Variants in PCDH11X observed in about 807,000 individuals in gnomAD.
PCDH11X encodes protocadherin 11 X-linked.
A neutral mutation model predicts 53.3 loss-of-function variants in PCDH11X; 18 were observed. The ratio of observed to expected loss-of-function variants is 0.34; its 90% CI spans 0.23 to 0.50. The LOEUF is 0.50. Ranked by LOEUF, PCDH11X falls within the 20% of genes least tolerant of loss-of-function variation. The probability of loss-of-function intolerance (pLI) is 0.98; values close to 1 mark genes in which losing one functional copy is unlikely to be tolerated. For synonymous variants in PCDH11X, 279 were observed against 393.3 expected, an observed-to-expected ratio of 0.71 and a Z score of 3.44; for missense variants, 570 against 1,032.4, an observed-to-expected ratio of 0.55 and a Z score of 6.14.
At chrX:92,566,631 T>C (rs1921503806) in intron 10 of PCDH11X, among the ~76,000 whole-genome samples, 1 of 109,813 alleles carries the variant, frequency 9.1e-6, no homozygotes, top group South Asian at 3.9e-4. Flanking sequence ...ATGAAACTAC[T>C]TACTCCCTCC....
At chrX:92,098,084 A>T (rs1448405052) in intron 6 of PCDH11X, among the ~76,000 whole-genome samples, 1 of 111,190 alleles carries the variant, frequency 9.0e-6, no homozygotes, top group Non-Finnish European at 1.9e-5. Context: ...ATGTATTCAA[A>T]TAATGAAATT....
intron 6 of PCDH11X, among the ~76,000 whole-genome samples, chrX:91,971,618 T>C (rs1160922441): frequency 3.6e-5 from 4 of 111,983 alleles, no homozygotes; most frequent in African/African-American, 6.5e-5. Context: ...GCAATTTGAC[T>C]TTTAGGCTTA....
intron 9 of PCDH11X, among the ~76,000 whole-genome samples, chrX:92,466,578 G>T (rs1921296282): frequency 9.1e-6 from 1 of 109,961 alleles, no homozygotes; most frequent in Non-Finnish European, 1.9e-5. Flanking sequence ...AGCCAAATAT[G>T]CTTATTGTTC....
intron 7 of PCDH11X, among the ~76,000 whole-genome samples, chrX:92,260,458 G>C (rs1055733966): frequency 2.4e-4 from 27 of 111,212 alleles, no homozygotes; most frequent in African/African-American, 8.5e-4. Context: ...TGCCTCCTCT[G>C]CCTGGGGTTG....
At chrX:92,568,873 A>T (rs1279528068) in intron 10 of PCDH11X, among the ~76,000 whole-genome samples, 1 of 111,288 alleles carries the variant, frequency 9.0e-6, no homozygotes, top group Non-Finnish European at 1.9e-5. Context: ...TCAATTTCTA[A>T]ATTCCCAGTC....
intron 6 of PCDH11X, among the ~76,000 whole-genome samples, chrX:91,970,427 C>T (rs1241237225): frequency 2.7e-5 from 3 of 111,312 alleles, no homozygotes; most frequent in African/African-American, 6.5e-5. Context: ...AATCCTTTAG[C>T]TAGATAGAAA....
At chrX:92,031,587 G>GT (rs1468492194) in intron 6 of PCDH11X, among the ~76,000 whole-genome samples, 1 of 111,595 alleles carries the variant, frequency 9.0e-6, no homozygotes, top group Non-Finnish European at 1.9e-5. Context: ...TATCTCCAAT[G>GT]TTTTCTTGTG....
chrX:92,427,417 G>A lies in PCDH11X; in HGVS notation c.3343+39484G>A, dbSNP rs747403060. On this transcript the variant is annotated intron_variant, in intron 9 of 10. Coordinates refer to ENST00000682573, the MANE Select transcript of PCDH11X (RefSeq NM_032968.5). ...TGTTCCGAGGTTTCACTTTTCTGTG[G>A]GCTATTGACCAATATAGCAAAAGTT... is the stretch of plus-strand genomic sequence containing the variant. Among the ~76,000 whole-genome samples the A allele has an allele frequency of 1.5e-3, 103 of 70,097 alleles. 1 individual carries two copies. Among genetic ancestry groups the A allele is most frequent in the South Asian group, 9.0e-3 (9 of 1,004 alleles). The allele number at this position is 70,097 out of a possible 115,157, so 60.9% of individuals were successfully genotyped here.
intron 9 of PCDH11X, chrX:92,459,979 C>T: frequency 1.8e-6 from 2 of 1,131,513 alleles, no homozygotes; most frequent in Non-Finnish European, 2.4e-6. Flanking sequence ...GACTGAGAAC[C>T]GTAGGCTGGA....
intron 6 of PCDH11X, among the ~76,000 whole-genome samples, chrX:92,081,934 A>C (rs918014944): frequency 9.0e-6 from 1 of 111,431 alleles, no homozygotes; most frequent in African/African-American, 3.3e-5. Context: ...ATTACAGAAA[A>C]TTAAAGTACC....
chrX:92,013,747 A>G (rs1332073814), intron 6 of PCDH11X, among the ~76,000 whole-genome samples: 1 of 111,621 alleles, frequency 9.0e-6, no homozygotes, highest in East Asian at 2.8e-4. Flanking sequence ...CAACCATCTG[A>G]TCTTTGACAA....
intron 8 of PCDH11X, among the ~76,000 whole-genome samples, chrX:92,316,780 A>G (rs1484962085): frequency 4.5e-5 from 5 of 110,971 alleles, no homozygotes; most frequent in Non-Finnish European, 5.7e-5. Flanking sequence ...TTCAAGTTCA[A>G]AGGGATTTAG....
At chrX:92,486,863 T>A (rs1416540011) in intron 10 of PCDH11X, among the ~76,000 whole-genome samples, 1 of 107,976 alleles carries the variant, frequency 9.3e-6, no homozygotes, top group East Asian at 3.0e-4. Flanking sequence ...GATTTTAGTA[T>A]ATCTTTTTAG....
intron 6 of PCDH11X, among the ~76,000 whole-genome samples, chrX:92,117,322 G>C (rs1378694147): frequency 1.8e-5 from 2 of 109,303 alleles, no homozygotes; most frequent in Non-Finnish European, 3.8e-5. Flanking sequence ...TATAATCCCA[G>C]CTACTCGGGA....
At position 91,827,268 on chromosome X, in the gene PCDH11X, A is replaced by G. The variant is rs749918884; in HGVS notation, c.-44-8193A>G. Among the ~76,000 whole-genome samples the G allele has an allele frequency of 1.4e-4, 16 of 111,452 alleles. No homozygotes were observed. In the South Asian group the frequency reaches 6.1e-3, roughly 42 times the overall value. On this transcript the variant is annotated intron_variant, in intron 4 of 10. Coordinates refer to ENST00000682573, the MANE Select transcript of PCDH11X (RefSeq NM_032968.5). ...TGGCCACATGTAAGTCTTCTTTTGA[A>G]AAGTGTCTCCTCATGTCCTTTGCCT...
chrX:91,893,183 C>A (rs910633704), intron 6 of PCDH11X, among the ~76,000 whole-genome samples: 16 of 110,617 alleles, frequency 1.4e-4, no homozygotes, highest in Admixed American at 2.9e-4. Flanking sequence ...TGTTACATTG[C>A]TTTTCTTCAT....
At chrX:91,825,001 A>C (rs1356900799) in intron 4 of PCDH11X, among the ~76,000 whole-genome samples, 2 of 110,594 alleles carry the variant, frequency 1.8e-5, no homozygotes, top group African/African-American at 6.7e-5. Flanking sequence ...GTCAGGGGTC[A>C]GGGACCCACT....
intron 6 of PCDH11X, among the ~76,000 whole-genome samples, chrX:92,166,368 C>T (rs988738882): frequency 4.6e-5 from 5 of 109,443 alleles, no homozygotes; most frequent in African/African-American, 1.7e-4. Flanking sequence ...ATAACTATGA[C>T]TTTGGATGTC....
chrX:92,459,759 C>G (rs1462818465), intron 9 of PCDH11X: 12 of 1,147,225 alleles, frequency 1.0e-5, no homozygotes, highest in Admixed American at 2.2e-5. Context: ...CGGTCAGCAG[C>G]GCGGCCAGCG....
Sources: gnomAD v4.1 joint callset for allele counts (sites outside exome capture counted in the v4.1 genomes callset) on GRCh38, gnomAD v4.1.1 for gene constraint, MANE v1.5 for transcripts, NCBI Gene and HGNC (gene_info 2026-07-23, HGNC 2026-07-21) for gene names.